The following TUFM variants were observed in gnomAD, a reference collection of about 807,000 sequenced individuals.
TUFM encodes the protein Tu translation elongation factor, mitochondrial.
TUFM carries 23 observed loss-of-function variants against 45.0 expected under a neutral mutation model. The ratio of observed to expected loss-of-function variants is 0.51; its 90% CI spans 0.37 to 0.72. TUFM has a LOEUF of 0.72. TUFM is among the 30% of genes least tolerant of loss of function. TUFM has a pLI of 0.00. For synonymous variants in TUFM, 243 were observed against 252.9 expected, an observed-to-expected ratio of 0.96 and a Z score of 0.37; for missense variants, 490 against 610.7, an observed-to-expected ratio of 0.80 and a Z score of 2.08.
At chr16:28,846,142 G>C in intron 1 of TUFM, 36 bp from the exon 2 acceptor site, 1 of 1,610,956 alleles carries the variant, frequency 6.2e-7, no homozygotes, top group African/African-American at 1.3e-5. Context: ...GGCAGGGAAG[G>C]GGTCAGACCG....
chr16:28,844,352 A>G lies in TUFM; in HGVS notation c.818-18T>C, dbSNP rs1166735200. On this transcript the variant is annotated intron_variant, in intron 6 of 9. Transcript: ENST00000313511. The surrounding 1 kb of genome is among the most constrained non-coding windows in gnomAD (Gnocchi z 5.8). ...GCCACGGCCTGGGAGGGAATAAGACAGGATATCAGGGACCCCGAGCTAGGC... is the reference window on the plus strand; with the variant it reads ...GCCACGGCCTGGGAGGGAATAAGACGGGATATCAGGGACCCCGAGCTAGGC... 2 of 1,614,070 alleles carry G rather than the reference A, an allele frequency of 1.2e-6. No individual in the cohort carries two copies. The highest frequency in any genetic ancestry group is 1.7e-6 in the Non-Finnish European group (2 of 1,180,028).
intron 3 of TUFM, 96 bp downstream of exon 3, chr16:28,845,218 A>G (rs1179829300): frequency 6.2e-6 from 10 of 1,604,046 alleles, no homozygotes; most frequent in Non-Finnish European, 8.5e-6. Context: ...CTCATACCCA[A>G]ACACTGAATA....
chr16:28,844,066 C>T lies in TUFM; in HGVS notation c.958G>A (p.Glu320Lys). 3 of 1,614,196 alleles carry T rather than the reference C, an allele frequency of 1.9e-6. No individual in the cohort carries two copies. The highest frequency in any genetic ancestry group is 1.1e-5 in the South Asian group (1 of 91,072). ...EMFHKSLERA[E>K]AGDNLGALVR... ...AGGGCCCCGAGGTTATCTCCGGCCT[C>T]GGCCCTCTCCAGGCTCTTGTGGAAC... Residue 320 changes from glutamate to lysine, a missense_variant, in exon 8 of 10, where the codon GAG becomes AAG. Coordinates refer to ENST00000313511, the MANE Select transcript of TUFM (RefSeq NM_003321.5). The surrounding 1 kb of genome is among the most constrained non-coding windows in gnomAD (Gnocchi z 5.8).
intron 2 of TUFM, 45 bp downstream of exon 2, chr16:28,845,867 C>A (rs758742189): frequency 1.2e-6 from 2 of 1,608,254 alleles, no homozygotes; most frequent in Non-Finnish European, 1.7e-6. Context: ...GGCTCCAGGT[C>A]CCATCAGTAG....
Position 28,843,110 on chromosome 16 carries a change from T to G in TUFM, c.1233A>C (p.Leu411=). Residue 411 remains leucine, a synonymous_variant, in exon 10 of 10, where the codon CTA becomes CTC. Transcript: ENST00000313511. The stretch of plus-strand genomic sequence containing the variant: ...CTAAGATCATTGGCTGCCGCAAGAT[T>G]AGGTTGAACTTCAGGTCCTCCCCGG... The part of the protein sequence containing the change: ...AMPGEDLKFN[L]ILRQPMILEK... 6.2e-7 allele frequency: 1 copy of G among 1,614,162 alleles called. No individual in the cohort carries two copies. Among genetic ancestry groups the G allele is most frequent in the Non-Finnish European group, 8.5e-7 (1 of 1,180,022 alleles).
Position 28,844,984 on chromosome 16 carries a change from G to A in TUFM, c.486C>T (p.Pro162=), listed in dbSNP as rs1413261282. 6.2e-7 allele frequency: 1 copy of A among 1,614,160 alleles called. No homozygotes were observed. The highest frequency in any genetic ancestry group is 8.5e-7 in the Non-Finnish European group (1 of 1,180,040). The change falls in exon 4 of 10, where the codon CCC becomes CCT. Residue 162 remains proline, a synonymous_variant. Coordinates refer to ENST00000313511, the MANE Select transcript of TUFM (RefSeq NM_003321.5). The surrounding 1 kb of genome is among the most constrained non-coding windows in gnomAD (Gnocchi z 5.8). The part of the protein sequence containing the change: ...LVVAANDGPM[P]QTREHLLLAR... ...CCAGTAATAAGTGCTCTCGGGTCTG[G>A]GGCATGGGGCCGTCATTGGCTGCTA...
Position 28,845,978 on chromosome 16 carries a change from C to A in TUFM, c.181G>T (p.Val61Leu), listed in dbSNP as rs766930611. 1 of 1,614,170 alleles carries A rather than the reference C, an allele frequency of 6.2e-7. No homozygotes were observed. The highest frequency in any genetic ancestry group is 8.5e-7 in the Non-Finnish European group (1 of 1,180,050). The change falls in exon 2 of 10, where the codon GTG (valine) becomes TTG (leucine). Residue 61 changes from valine to leucine, a missense_variant. By Grantham distance (32) the Val-to-Leu change is conservative. Coordinates refer to ENST00000313511, the MANE Select transcript of TUFM (RefSeq NM_003321.5). ...KKTYVRDKPHVNVGTIGHVDH... is the reference protein window; with the variant it reads ...KKTYVRDKPHLNVGTIGHVDH... The stretch of plus-strand genomic sequence containing the variant: ...ACATGGCCGATGGTACCCACATTCA[C>A]ATGTGGCTTGTCGCGCACGTAAGTC...
At position 28,843,072 on chromosome 16, in the gene TUFM, C is replaced by T. The variant is rs771893374; in HGVS notation, c.1271G>A (p.Arg424His). The stretch of plus-strand genomic sequence containing the variant: ...CCGGTTGCCATCTCGCAGGGTGAAA[C>T]GCTGGCCTTTCTCTAAGATCATTGG... ...RQPMILEKGQ[R>H]FTLRDGNRTI... is the part of the protein sequence containing the mutation. Residue 424 changes from arginine to histidine, a missense_variant, in exon 10 of 10, where the codon CGT becomes CAT. Transcript: ENST00000313511. The T allele has an allele frequency of 1.5e-5, 24 of 1,614,084 alleles. No homozygotes were observed. The Admixed American group carries it at 1.5e-4, about 10-fold the overall frequency.
rs1401127918 is a variant in TUFM, at chr16:28,845,967, A to AC, written c.191dup (p.Thr65TyrfsTer22). ...TCCCGTGGTCCACATGGCCGATGGT[A>AC]CCCACATTCACATGTGGCTTGTCGC... On this transcript the variant is annotated frameshift_variant, in exon 2 of 10. Transcript: ENST00000313511. LOFTEE classifies it high-confidence loss of function. The AC allele has an allele frequency of 6.2e-7, 1 of 1,614,046 alleles. No homozygotes were observed. The highest frequency in any genetic ancestry group is 1.1e-5 in the South Asian group (1 of 91,082).
In TUFM at chr16:28,844,659, A is replaced by G; in HGVS notation, c.684+39T>C. The G allele has an allele frequency of 6.2e-7, 1 of 1,613,926 alleles. No individual in the cohort carries two copies. Among genetic ancestry groups the G allele is most frequent in the Non-Finnish European group, 8.5e-7 (1 of 1,179,986 alleles). ...GAGCTCTGGGTGCCCATCCAGCCCC[A>G]CCCTCTGCAGCAGCTGCCCTGCCTG... On this transcript the variant is annotated intron_variant, in intron 5 of 9. Coordinates refer to ENST00000313511, the MANE Select transcript of TUFM (RefSeq NM_003321.5). The surrounding 1 kb of genome is among the most constrained non-coding windows in gnomAD (Gnocchi z 5.8).
chr16:28,842,867 C>T lies in TUFM; in HGVS notation c.*108G>A. The T allele has an allele frequency of 7.0e-7, 1 of 1,419,550 alleles. No individual in the cohort carries two copies. Among genetic ancestry groups the T allele is most frequent in the Non-Finnish European group, 9.9e-7 (1 of 1,008,406 alleles). 87.9% of individuals were successfully genotyped at this position (1,419,550 alleles called of 1,614,324 possible). ...AGCAGGGGAAATGTCCATCTAGCTG[C>T]CCTCTGCTGGGTTGCAGCCTATGCC... On this transcript the variant is annotated 3_prime_UTR_variant, in exon 10 of 10. Transcript: ENST00000313511.
Position 28,844,530 on chromosome 16 carries a change from G to A in TUFM, c.706C>T (p.Leu236=). The change falls in exon 6 of 10, where the codon CTG becomes TTG. Residue 236 remains leucine, a synonymous_variant. Coordinates refer to ENST00000313511, the MANE Select transcript of TUFM (RefSeq NM_003321.5). This position sits in a 1 kb window ranked among gnomAD's most constrained non-coding sequence, Gnocchi z 5.8. ...ALEGRDPELG[L]KSVQKLLDAV... ...TCCAGTAGCTTCTGCACAGACTTCA[G>A]GCCTAACTCAGGGTCCCGACCCTGT... 6.2e-7 allele frequency: 1 copy of A among 1,613,904 alleles called. No individual in the cohort carries two copies. The highest frequency in any genetic ancestry group is 8.5e-7 in the Non-Finnish European group (1 of 1,180,030).
intron 3 of TUFM, 55 bp downstream of exon 3, chr16:28,845,259 T>C: frequency 6.2e-7 from 1 of 1,612,988 alleles, no homozygotes; most frequent in Non-Finnish European, 8.5e-7. Flanking sequence ...GCCTAACATT[T>C]ATCCTGACAA....
At chr16:28,843,441 A>G (rs1428441575) in intron 9 of TUFM, among the ~76,000 whole-genome samples, 1 of 152,176 alleles carries the variant, frequency 6.6e-6, no homozygotes, top group African/African-American at 2.4e-5. Context: ...TTAAGCCTTC[A>G]TATATAATGA....
rs745888993 is a variant in TUFM, at chr16:28,843,067, T to C, written c.1276A>G (p.Thr426Ala). ...ATAGTCCGGTTGCCATCTCGCAGGG[T>C]GAAACGCTGGCCTTTCTCTAAGATC... is the stretch of plus-strand genomic sequence containing the variant. Reference protein sequence around the residue: ...PMILEKGQRFTLRDGNRTIGT... With the variant: ...PMILEKGQRFALRDGNRTIGT... Residue 426 changes from threonine to alanine, a missense_variant, in exon 10 of 10, where the codon ACC (threonine) becomes GCC (alanine). Transcript: ENST00000313511. 3 of 1,614,042 alleles carry C rather than the reference T, an allele frequency of 1.9e-6. No individual in the cohort carries two copies. Among genetic ancestry groups the C allele is most frequent in the African/African-American group, 1.3e-5 (1 of 74,902 alleles).
rs2152146260 is a variant in TUFM, at chr16:28,842,990, A to G, written c.1353T>C (p.Asn451=). ...ATCTGCACACTCAACCCCATTTGAT[A>G]TTCTTCTCCTCCTCAGTCATGGCCA... ...NTLAMTEEEK[N]IKWG Residue 451 remains asparagine, a synonymous_variant, in exon 10 of 10, where the codon AAT becomes AAC. Coordinates refer to ENST00000313511, the MANE Select transcript of TUFM (RefSeq NM_003321.5). 5.0e-6 allele frequency: 8 copies of G among 1,614,184 alleles called. No homozygotes were observed. Among genetic ancestry groups the G allele is most frequent in the Non-Finnish European group, 6.8e-6 (8 of 1,180,004 alleles).
Position 28,846,338 on chromosome 16 carries a change from G to C in TUFM, c.-69C>G, listed in dbSNP as rs950701877. 6.6e-7 allele frequency: 1 copy of C among 1,511,738 alleles called. No homozygotes were observed. The highest frequency in any genetic ancestry group is 2.1e-5 in the Admixed American group (1 of 48,336). The allele number at this position is 1,511,738 out of a possible 1,614,324, so 93.6% of individuals were successfully genotyped here. A position where few individuals can be genotyped will look rare whatever the true frequency, so the allele number is the denominator to read the frequency against. On this transcript the variant is annotated 5_prime_UTR_variant, in exon 1 of 10. Coordinates refer to ENST00000313511, the MANE Select transcript of TUFM (RefSeq NM_003321.5). The stretch of plus-strand genomic sequence containing the variant: ...CGCACAGAAGAAGAAGGGCGCCTGC[G>C]GCTGGAAGGCACTTCCGGCGGAAGT...
In TUFM at chr16:28,844,619, C is replaced by T; in HGVS notation, c.685-68G>A. On this transcript the variant is annotated intron_variant, in intron 5 of 9. Coordinates refer to ENST00000313511, the MANE Select transcript of TUFM (RefSeq NM_003321.5). This position sits in a 1 kb window ranked among gnomAD's most constrained non-coding sequence, Gnocchi z 5.8. Reference sequence around the variant, plus strand: ...TTCCCTCGATTATCAAGAGCCACTTCCCAGACACAAAGCAGAGCTCTGGGT... The same window carrying T: ...TTCCCTCGATTATCAAGAGCCACTTTCCAGACACAAAGCAGAGCTCTGGGT... 6.2e-7 allele frequency: 1 copy of T among 1,613,590 alleles called. No homozygotes were observed.
chr16:28,845,546 G>A lies in TUFM; in HGVS notation c.248-66C>T, dbSNP rs899213678. The A allele has an allele frequency of 2.6e-5, 42 of 1,590,086 alleles. No individual in the cohort carries two copies. In the Admixed American group the frequency reaches 4.0e-4, roughly 15 times the overall value. On this transcript the variant is annotated intron_variant, in intron 2 of 9. Coordinates refer to ENST00000313511, the MANE Select transcript of TUFM (RefSeq NM_003321.5). The stretch of plus-strand genomic sequence containing the variant: ...GTGCTAGAGGCAGAGCTTAGACCAC[G>A]CCCCTGAACCCTCCCACCTAAATAC...
Sources: gnomAD v4.1 joint callset for allele counts (sites outside exome capture counted in the v4.1 genomes callset) on GRCh38, gnomAD v4.1.1 for gene constraint, Gnocchi (gnomAD v3.1) non-coding constraint, MANE v1.5 for transcripts, NCBI Gene and HGNC (gene_info 2026-07-23, HGNC 2026-07-21) for gene names.